The following APBB2 variants were observed in gnomAD, a reference collection of about 807,000 sequenced individuals.
APBB2 encodes the protein Fe65-like 1.
A neutral mutation model predicts 82.5 loss-of-function variants in APBB2; 38 were observed. The observed-to-expected ratio is 0.46, with a 90% CI of 0.36 to 0.60. The LOEUF is 0.60. APBB2 is among the 20% of genes least tolerant of loss of function. APBB2 has a pLI of 0.00. For missense variants in APBB2, 772 were observed against 972.3 expected (o/e 0.79, Z 2.74); for synonymous variants, 341 against 368.2 (o/e 0.93, Z 0.85).
intron 1 of APBB2, among the ~76,000 whole-genome samples, chr4:41,195,332 G>A: frequency 1.2e-4 from 18 of 152,068 alleles, no homozygotes; most frequent in Admixed American, 7.9e-4. Context: ...CAGCTGCTCC[G>A]ACTAAGATCC....
intron 12 of APBB2, chr4:40,857,034 CCCGGTCCTT>C: frequency 1.0e-6 from 1 of 985,594 alleles, no homozygotes; most frequent in Non-Finnish European, 1.2e-6. Flanking sequence ...ACCTTTGCCT[CCCGGTCCTT>C]CCGAAGTCGG....
intron 1 of APBB2, among the ~76,000 whole-genome samples, chr4:41,211,878 G>A (rs920455454): frequency 1.3e-5 from 2 of 152,150 alleles, no homozygotes; most frequent in Non-Finnish European, 2.9e-5. Flanking sequence ...TTCCAGGTAC[G>A]TGTGCAGGAT....
intron 1 of APBB2, among the ~76,000 whole-genome samples, chr4:41,194,981 T>C: frequency 6.6e-6 from 1 of 152,184 alleles, no homozygotes. Context: ...CTCCCTTGAA[T>C]TACATGGTCT....
intron 12 of APBB2, among the ~76,000 whole-genome samples, chr4:40,878,266 G>C (rs750228705): frequency 6.6e-5 from 10 of 152,084 alleles, no homozygotes; most frequent in Non-Finnish European, 1.3e-4. Context: ...AGAATCACTT[G>C]AACCCGGGAG....
chr4:40,882,316 G>A (rs1418007019), intron 12 of APBB2, among the ~76,000 whole-genome samples: 1 of 152,148 alleles, frequency 6.6e-6, no homozygotes, highest in African/African-American at 2.4e-5. Flanking sequence ...GGAGCCTCCT[G>A]GAGCAAAACC....
intron 2 of APBB2, among the ~76,000 whole-genome samples, chr4:41,141,619 T>C (rs141365653): frequency 2.6e-4 from 39 of 152,298 alleles, no homozygotes; most frequent in African/African-American, 7.9e-4. Context: ...CTTTAGTCCA[T>C]TTTCATGCTG....
At chr4:41,198,383 G>C in intron 1 of APBB2, among the ~76,000 whole-genome samples, 2 of 152,158 alleles carry the variant, frequency 1.3e-5, no homozygotes, top group African/African-American at 2.4e-5. Flanking sequence ...GATATTTGTA[G>C]AATTATCAAA....
intron 1 of APBB2, among the ~76,000 whole-genome samples, chr4:41,152,855 G>A (rs1028993544): frequency 1.1e-4 from 16 of 152,322 alleles, no homozygotes; most frequent in Admixed American, 1.0e-3. Flanking sequence ...CTGGTGGAAT[G>A]CAGGCTCTTA....
rs1486106569 is a variant in APBB2, at chr4:40,982,366, G to A, written c.835+31217C>T. On this transcript the variant is annotated intron_variant, in intron 6 of 17. Transcript: ENST00000508593. ...AGGAAGGAAGGAAGGAAGGAAGGAA[G>A]GAAGGAAGGAAGGAAGGAAGGAAGG... 3.5e-4 allele frequency among the ~76,000 whole-genome samples: 5 copies of A among 14,366 alleles called. 1 individual carries two copies. Among genetic ancestry groups the A allele is most frequent in the Admixed American group, 2.2e-3 (2 of 924 alleles). 9.4% of individuals were successfully genotyped at this position (14,366 alleles called of 152,430 possible).
intron 2 of APBB2, among the ~76,000 whole-genome samples, chr4:41,115,573 A>G (rs1330376514): frequency 6.6e-6 from 1 of 152,212 alleles, no homozygotes; most frequent in Non-Finnish European, 1.5e-5. Flanking sequence ...CAATCTATCA[A>G]TCTGACAAAG....
chr4:40,954,052 G>T (rs534754225), intron 6 of APBB2, among the ~76,000 whole-genome samples: 1 of 152,170 alleles, frequency 6.6e-6, no homozygotes, highest in Admixed American at 6.5e-5. Flanking sequence ...CACCTCAGGC[G>T]CCAGGGCTAG....
intron 6 of APBB2, among the ~76,000 whole-genome samples, chr4:40,986,595 T>C (rs779103047): frequency 6.6e-6 from 1 of 152,144 alleles, no homozygotes; most frequent in Non-Finnish European, 1.5e-5. Flanking sequence ...CTAGGAAAAA[T>C]GTGTTCATAC....
intron 7 of APBB2, among the ~76,000 whole-genome samples, chr4:40,937,577 C>T (rs1253012326): frequency 6.6e-6 from 1 of 152,156 alleles, no homozygotes; most frequent in Non-Finnish European, 1.5e-5. Context: ...AAAAACTTAA[C>T]ACGGGCACTC....
chr4:40,915,896 T>C (rs779971607), intron 10 of APBB2, among the ~76,000 whole-genome samples: 1 of 152,032 alleles, frequency 6.6e-6, no homozygotes, highest in Non-Finnish European at 1.5e-5. Context: ...GCCAGAGTTG[T>C]GACTAATAAG....
rs555395326 is a variant in APBB2 at position 41,049,472 on chromosome 4, C to G, written c.-51+16104G>C. ...CCTCCGCGAGGGAGGTGGGGGGCAG[C>G]CCCCGCCCGGCCAGCCGCCCCGTCC... is the stretch of plus-strand genomic sequence containing the variant. On this transcript the variant is annotated intron_variant, in intron 4 of 17. Coordinates refer to ENST00000508593, the MANE Select transcript of APBB2 (RefSeq NM_004307.2). Among the ~76,000 whole-genome samples, 62 of 146,388 alleles carry G rather than the reference C, an allele frequency of 4.2e-4. 1 individual carries two copies. In the South Asian group the frequency reaches 0.012, roughly 29 times the overall value.
chr4:40,936,881 C>G (rs1219903009), intron 7 of APBB2, among the ~76,000 whole-genome samples: 1 of 152,110 alleles, frequency 6.6e-6, no homozygotes, highest in African/African-American at 2.4e-5. Context: ...GCTATGAACC[C>G]CTGAAATGGG....
intron 6 of APBB2, among the ~76,000 whole-genome samples, chr4:40,950,850 A>T (rs1030023573): frequency 2.0e-4 from 30 of 152,316 alleles, no homozygotes; most frequent in African/African-American, 6.5e-4. Context: ...CTCAAAAAAA[A>T]AATAATTAAA....
At chr4:41,162,538 A>G (rs570386269) in intron 1 of APBB2, among the ~76,000 whole-genome samples, 4 of 152,120 alleles carry the variant, frequency 2.6e-5, no homozygotes, top group African/African-American at 4.8e-5. Flanking sequence ...ATAGACACAC[A>G]TACATGCTCA....
At chr4:40,948,258 A>G (rs1186338252) in intron 6 of APBB2, among the ~76,000 whole-genome samples, 2 of 152,200 alleles carry the variant, frequency 1.3e-5, no homozygotes, top group Non-Finnish European at 1.5e-5. Flanking sequence ...TTTAACCTTC[A>G]TAGCCCAATC....
Sources: gnomAD v4.1 joint callset for allele counts (sites outside exome capture counted in the v4.1 genomes callset) on GRCh38, gnomAD v4.1.1 for gene constraint, MANE v1.5 for transcripts, NCBI Gene and HGNC (gene_info 2026-07-23, HGNC 2026-07-21) for gene names.